ZNF736: variants seen among roughly 807,000 people sequenced by gnomAD.
The protein encoded by ZNF736 is KRAB-containing zinc-finger repressor protein.
In ZNF736, 6 loss-of-function variants were observed where a neutral mutation model predicts 11.7. The ratio of observed to expected loss-of-function variants is 0.51; its 90% CI spans 0.28 to 1.01. The LOEUF is 1.01. Among genes scored for constraint, ZNF736 ranks in the 50% least tolerant of loss-of-function variants. The pLI, the probability that ZNF736 is intolerant of heterozygous loss-of-function variation, is 0.09. For missense variants in ZNF736, 444 were observed against 496.0 expected, an observed-to-expected ratio of 0.90 and a Z score of 1.00; for synonymous variants, 139 against 164.7, an observed-to-expected ratio of 0.84 and a Z score of 1.19.
At chr7:64,315,250 T>C (rs1195415945) in intron 1 of ZNF736, among the ~76,000 whole-genome samples, 5 of 152,220 alleles carry the variant, frequency 3.3e-5, no homozygotes, top group Admixed American at 2.0e-4. Context: ...GTATTTATAG[T>C]AATGCCAGAA....
intron 3 of ZNF736, among the ~76,000 whole-genome samples, chr7:64,341,123 T>G (rs538195371): frequency 4.4e-4 from 67 of 152,132 alleles, no homozygotes; most frequent in Non-Finnish European, 3.2e-4. Flanking sequence ...GTTGTGACTC[T>G]ACAAAATTTT....
intron 1 of ZNF736, among the ~76,000 whole-genome samples, chr7:64,322,269 G>A (rs116290501): frequency 0.034 from 5,225 of 152,204 alleles, 184 homozygotes; most frequent in East Asian, 0.17. Context: ...CCATTCTCAT[G>A]TGTGTGAAGT....
chr7:64,347,643 A>G (rs1419780599), intron 3 of ZNF736, among the ~76,000 whole-genome samples: 1 of 152,106 alleles, frequency 6.6e-6, no homozygotes, highest in Admixed American at 6.5e-5. Flanking sequence ...AGCTGTCCGA[A>G]ACTGTCAGTG....
At chr7:64,337,753 TTGG>T (rs777786475) in intron 3 of ZNF736, among the ~76,000 whole-genome samples, 12,445 of 63,934 alleles carry the variant, frequency 0.19, 892 homozygotes, top group African/African-American at 0.3. Context: ...TTTGTTTTTT[TTGG>T]TTTTTTTTTT....
At chr7:64,331,891 A>G (rs1348392785) in intron 1 of ZNF736, among the ~76,000 whole-genome samples, 1 of 152,092 alleles carries the variant, frequency 6.6e-6, no homozygotes, top group Admixed American at 6.5e-5. Context: ...GGAAACTCAC[A>G]TTTTGGTTTT....
At chr7:64,341,425 A>G (rs1789336374) in intron 3 of ZNF736, among the ~76,000 whole-genome samples, 1 of 152,142 alleles carries the variant, frequency 6.6e-6, no homozygotes, top group Non-Finnish European at 1.5e-5. Context: ...GAGCCACGCT[A>G]TAGATTTTTT....
At chr7:64,340,861 T>C (rs573419912) in intron 3 of ZNF736, among the ~76,000 whole-genome samples, 3 of 152,330 alleles carry the variant, frequency 2.0e-5, no homozygotes, top group Non-Finnish European at 4.4e-5. Flanking sequence ...TAGCATTTTT[T>C]TTCATCACTT....
Position 64,353,694 on chromosome 7 carries a change from G to C in ZNF736, c.*4547G>C, listed in dbSNP as rs935285458. 5 of 27,414 alleles carry C rather than the reference G, an allele frequency of 1.8e-4. No individual in the cohort carries two copies. Among genetic ancestry groups the C allele is most frequent in the African/African-American group, 7.5e-4 (5 of 6,636 alleles). The allele number at this position is 27,414 out of a possible 1,614,324, so 1.7% of individuals were successfully genotyped here. A position where few individuals can be genotyped will look rare whatever the true frequency, so the allele number is the denominator to read the frequency against. ...CACACGAAGAAATTCTAAGTGGAAA[G>C]GCCACTTATTAGTTTACAGCAGTAT... On this transcript the variant is annotated 3_prime_UTR_variant, in exon 4 of 4. Coordinates refer to ENST00000423484, the MANE Select transcript of ZNF736 (RefSeq NM_001170905.3).
intron 1 of ZNF736, among the ~76,000 whole-genome samples, chr7:64,322,570 T>A (rs1361032727): frequency 2.0e-5 from 3 of 152,176 alleles, no homozygotes; most frequent in Non-Finnish European, 4.4e-5. Flanking sequence ...CGGCTGAGAA[T>A]GTGACAAAAG....
rs1554304632 is a variant in ZNF736, at chr7:64,337,763, T to TTG, written c.226+782_226+783insGT. ...TTTGTTTTGTTTTTTTTGGTTTTTT[T>TTG]TTTTTTTTGAGACAGAGTTTTGCTC... On this transcript the variant is annotated intron_variant, in intron 3 of 3. Coordinates refer to ENST00000423484, the MANE Select transcript of ZNF736 (RefSeq NM_001170905.3). 3.4e-5 allele frequency among the ~76,000 whole-genome samples: 5 copies of TTG among 145,494 alleles called. No individual in the cohort carries two copies. The East Asian group carries it at 6.0e-4, about 18-fold the overall frequency.
At chr7:64,324,388 C>G (rs765032727) in intron 1 of ZNF736, among the ~76,000 whole-genome samples, 3 of 152,130 alleles carry the variant, frequency 2.0e-5, no homozygotes, top group Non-Finnish European at 4.4e-5. Flanking sequence ...GGAGGTTCTG[C>G]TCTAGTGCAC....
chr7:64,340,787 G>A (rs1327744989), intron 3 of ZNF736, among the ~76,000 whole-genome samples: 1 of 152,116 alleles, frequency 6.6e-6, no homozygotes, highest in Non-Finnish European at 1.5e-5. Flanking sequence ...GTTCATGTTA[G>A]AAAGTCTTTA....
At chr7:64,325,346 G>A (rs185050247) in intron 1 of ZNF736, among the ~76,000 whole-genome samples, 51 of 152,282 alleles carry the variant, frequency 3.3e-4, no homozygotes, top group African/African-American at 1.0e-3. Context: ...TTGTCTCCTG[G>A]ATGACTATTT....
intron 1 of ZNF736, among the ~76,000 whole-genome samples, chr7:64,335,131 C>A (rs987911693): frequency 5.9e-5 from 9 of 152,006 alleles, no homozygotes; most frequent in South Asian, 4.2e-4. Context: ...CATCACACAC[C>A]AGGGCCTGTC....
At chr7:64,328,704 G>C (rs1239608579) in intron 1 of ZNF736, among the ~76,000 whole-genome samples, 1 of 152,144 alleles carries the variant, frequency 6.6e-6, no homozygotes, top group Non-Finnish European at 1.5e-5. Context: ...GGAGCTTGCA[G>C]TGAGCTGAGA....
At chr7:64,321,755 G>A (rs1400218895) in intron 1 of ZNF736, among the ~76,000 whole-genome samples, 2 of 152,124 alleles carry the variant, frequency 1.3e-5, no homozygotes, top group Non-Finnish European at 1.5e-5. Flanking sequence ...ATGTTGGATG[G>A]TTGGGGGTGT....
intron 3 of ZNF736, among the ~76,000 whole-genome samples, chr7:64,338,168 A>G (rs1321160889): frequency 2.6e-5 from 4 of 152,192 alleles, no homozygotes; most frequent in Non-Finnish European, 4.4e-5. Context: ...ATATATATAA[A>G]CACATTTATA....
At chr7:64,323,757 G>A (rs1789038868) in intron 1 of ZNF736, among the ~76,000 whole-genome samples, 1 of 151,880 alleles carries the variant, frequency 6.6e-6, no homozygotes, top group East Asian at 1.9e-4. Context: ...GAAAGCATCA[G>A]GAAGAACAGC....
chr7:64,339,622 C>A (rs1489708017), intron 3 of ZNF736, among the ~76,000 whole-genome samples: 1 of 152,088 alleles, frequency 6.6e-6, no homozygotes, highest in Non-Finnish European at 1.5e-5. Flanking sequence ...TCCGGGCTCT[C>A]CATCCTGCTC....
Sources: gnomAD v4.1 joint callset for allele counts (sites outside exome capture counted in the v4.1 genomes callset) on GRCh38, gnomAD v4.1.1 for gene constraint, MANE v1.5 for transcripts, NCBI Gene and HGNC (gene_info 2026-07-23, HGNC 2026-07-21) for gene names.